Variants in NEXMIF observed in about 807,000 individuals in gnomAD.
NEXMIF encodes neurite extension and migration factor, also known as XLMR protein related to neurite extension.
In NEXMIF, 8 loss-of-function variants were observed where a neutral mutation model predicts 62.1. The observed-to-expected ratio is 0.13, with a 90% CI of 0.08 to 0.23. The LOEUF is 0.23. NEXMIF is among the 10% of genes least tolerant of loss of function. The pLI, the probability that NEXMIF is intolerant of heterozygous loss-of-function variation, is 1.00. For missense variants in NEXMIF, 976 were observed against 1,113.3 expected, an observed-to-expected ratio of 0.88 and a Z score of 1.75; for synonymous variants, 404 against 416.6, an observed-to-expected ratio of 0.97 and a Z score of 0.37.
chrX:74,759,920 T>C (rs1057397916), intron 1 of NEXMIF, among the ~76,000 whole-genome samples: 4 of 112,082 alleles, frequency 3.6e-5, no homozygotes, highest in Non-Finnish European at 7.5e-5. Flanking sequence ...TTTCTAGTTC[T>C]ATTAAGAATG....
rs969339872 is a variant in NEXMIF at position 74,851,751 on chromosome X, C to A, written c.-48+73132G>T. 2.7e-5 allele frequency among the ~76,000 whole-genome samples: 3 copies of A among 111,629 alleles called. No homozygotes were observed. In the Admixed American group the frequency reaches 2.8e-4, roughly 11 times the overall value. ...TTTAAGGTAGTCCTACACCTGGAAG[C>A]AAAAGGACACTATCTACTATCACAA... On this transcript the variant is annotated intron_variant, in intron 1 of 3. Coordinates refer to ENST00000055682, the MANE Select transcript of NEXMIF (RefSeq NM_001008537.3).
chrX:74,864,084 A>C (rs1216524810), intron 1 of NEXMIF, among the ~76,000 whole-genome samples: 1 of 112,197 alleles, frequency 8.9e-6, no homozygotes, highest in Non-Finnish European at 1.9e-5. Flanking sequence ...AAAAACTCTC[A>C]ATAAACTAGG....
intron 1 of NEXMIF, among the ~76,000 whole-genome samples, chrX:74,794,805 A>G (rs752654264): frequency 1.8e-5 from 2 of 111,654 alleles, no homozygotes; most frequent in South Asian, 7.6e-4. Context: ...TGCGCTTCCC[A>G]AGTGAGGCAA....
intron 1 of NEXMIF, among the ~76,000 whole-genome samples, chrX:74,863,507 A>G (rs2080565812): frequency 1.8e-5 from 2 of 112,043 alleles, no homozygotes; most frequent in Non-Finnish European, 1.9e-5. Context: ...CCTCTATGCA[A>G]ATAAACTAAA....
At chrX:74,851,935 T>C (rs1052028588) in intron 1 of NEXMIF, among the ~76,000 whole-genome samples, 1 of 110,294 alleles carries the variant, frequency 9.1e-6, no homozygotes, top group East Asian at 2.9e-4. Flanking sequence ...AGAAACCAAG[T>C]AAAATGATAG....
chrX:74,921,983 C>T (rs968351762), intron 1 of NEXMIF, among the ~76,000 whole-genome samples: 17 of 112,030 alleles, frequency 1.5e-4, no homozygotes, highest in African/African-American at 5.5e-4. Context: ...ATATTATTTA[C>T]TAGAACTGGA....
chrX:74,886,386 A>G (rs1019658427), intron 1 of NEXMIF, among the ~76,000 whole-genome samples: 3 of 111,824 alleles, frequency 2.7e-5, no homozygotes, highest in Non-Finnish European at 5.6e-5. Flanking sequence ...ACATGATTGC[A>G]TATCTGGAAA....
In NEXMIF at chrX:74,912,028, T is replaced by C. The variant is rs2080792122; in HGVS notation, c.-48+12855A>G. Among the ~76,000 whole-genome samples, 11 of 111,483 alleles carry C rather than the reference T, an allele frequency of 9.9e-5. No individual in the cohort carries two copies. The Admixed American group carries it at 1.0e-3, about 11-fold the overall frequency. ...CCAAGGGGAGATTGAAAACACTGAA[T>C]CTACATTAAGTACACCCCCACTAAT... On this transcript the variant is annotated intron_variant, in intron 1 of 3. Coordinates refer to ENST00000055682, the MANE Select transcript of NEXMIF (RefSeq NM_001008537.3).
intron 1 of NEXMIF, among the ~76,000 whole-genome samples, chrX:74,769,169 A>G (rs1440400176): frequency 9.0e-6 from 1 of 110,625 alleles, no homozygotes; most frequent in Admixed American, 9.7e-5. Flanking sequence ...GCCTAGGAAG[A>G]TGAGGGTTCA....
At position 74,737,676 on chromosome X, in the gene NEXMIF, C is replaced by T. The variant is rs1196685918; in HGVS notation, c.*1729G>A. On this transcript the variant is annotated 3_prime_UTR_variant, in exon 4 of 4. Coordinates refer to ENST00000055682, the MANE Select transcript of NEXMIF (RefSeq NM_001008537.3). ...ACATGACAGGCTTCCTTCCATTTCT[C>T]TCTGACTACTTTCAAATGTTGCTTC... is the stretch of plus-strand genomic sequence containing the variant. 1 of 111,681 alleles carries T rather than the reference C, an allele frequency of 9.0e-6. No homozygotes were observed. The highest frequency in any genetic ancestry group is 3.3e-5 in the African/African-American group (1 of 30,608). The allele number at this position is 111,681 out of a possible 1,213,427, so 9.2% of individuals were successfully genotyped here.
At chrX:74,785,090 G>A (rs1259773413) in intron 1 of NEXMIF, among the ~76,000 whole-genome samples, 2 of 111,284 alleles carry the variant, frequency 1.8e-5, no homozygotes, top group Non-Finnish European at 3.8e-5. Context: ...TCTGACTGAT[G>A]TACGTTTTCC....
At chrX:74,763,352 C>G (rs1380615583) in intron 1 of NEXMIF, among the ~76,000 whole-genome samples, 1 of 111,838 alleles carries the variant, frequency 8.9e-6, no homozygotes, top group Non-Finnish European at 1.9e-5. Flanking sequence ...CAGTACCATG[C>G]TGTTTTGGTT....
At chrX:74,827,104 C>A (rs1007353722) in intron 1 of NEXMIF, among the ~76,000 whole-genome samples, 2 of 112,449 alleles carry the variant, frequency 1.8e-5, no homozygotes, top group Admixed American at 1.9e-4. Flanking sequence ...TCCACTCTAG[C>A]TTTTCCCTTT....
chrX:74,887,531 A>C (rs1335649564), intron 1 of NEXMIF, among the ~76,000 whole-genome samples: 7 of 112,495 alleles, frequency 6.2e-5, no homozygotes, highest in Non-Finnish European at 1.9e-5. Context: ...ATTCAGCCAA[A>C]AAACACATGA....
chrX:74,856,646 A>G (rs1009301328), intron 1 of NEXMIF, among the ~76,000 whole-genome samples: 2 of 111,540 alleles, frequency 1.8e-5, no homozygotes, highest in Non-Finnish European at 3.8e-5. Context: ...ATCCCACAGG[A>G]ACACCAAAAC....
At chrX:74,828,913 A>C (rs886485899) in intron 1 of NEXMIF, among the ~76,000 whole-genome samples, 1 of 112,063 alleles carries the variant, frequency 8.9e-6, no homozygotes, top group East Asian at 2.8e-4. Context: ...CTTTGCATCT[A>C]AAACTAAAGC....
chrX:74,835,589 GT>G (rs201387034), intron 1 of NEXMIF, among the ~76,000 whole-genome samples: 2 of 109,938 alleles, frequency 1.8e-5, no homozygotes, highest in East Asian at 2.9e-4. Flanking sequence ...AGGAACTCTT[GT>G]TTTTTTTTGT....
At chrX:74,803,500 G>A (rs1258726085) in intron 1 of NEXMIF, among the ~76,000 whole-genome samples, 4 of 110,973 alleles carry the variant, frequency 3.6e-5, no homozygotes, top group East Asian at 2.8e-4. Flanking sequence ...CCCAGGAGGC[G>A]GAGCTTGCAG....
At chrX:74,797,871 G>A (rs1363397266) in intron 1 of NEXMIF, among the ~76,000 whole-genome samples, 1 of 112,203 alleles carries the variant, frequency 8.9e-6, no homozygotes, top group African/African-American at 3.2e-5. Context: ...CAGAGAGATG[G>A]GTTCAGTAAG....
Sources: allele counts gnomAD v4.1 joint callset (sites outside exome capture counted in the v4.1 genomes callset), GRCh38; gene constraint gnomAD v4.1.1; transcripts MANE v1.5; gene names NCBI Gene and HGNC (gene_info 2026-07-23, HGNC 2026-07-21).